CNTN1: variants seen among roughly 807,000 people sequenced by gnomAD.
CNTN1 encodes the protein contactin 1.
CNTN1 carries 38 observed loss-of-function variants against 126.4 expected under a neutral mutation model. The ratio of observed to expected loss-of-function variants is 0.30; its 90% CI spans 0.23 to 0.39. The LOEUF is 0.39. Among genes scored for constraint, CNTN1 ranks in the 10% least tolerant of loss-of-function variants. The pLI, the probability that CNTN1 is intolerant of heterozygous loss-of-function variation, is 1.00. For missense variants in CNTN1, 1,009 were observed against 1,248.4 expected (o/e 0.81, Z 2.89); for synonymous variants, 413 against 422.6 (o/e 0.98, Z 0.28).
intron 1 of CNTN1, among the ~76,000 whole-genome samples, chr12:40,808,219 A>G (rs1940931142): frequency 6.6e-6 from 1 of 152,196 alleles, no homozygotes; most frequent in East Asian, 1.9e-4. Flanking sequence ...ATTTAAAAAC[A>G]CTATGTTTTG....
chr12:40,747,777 CA>C (rs541376650), intron 1 of CNTN1, among the ~76,000 whole-genome samples: 14 of 150,820 alleles, frequency 9.3e-5, no homozygotes, highest in Non-Finnish European at 1.5e-4. Flanking sequence ...GATTTGATGC[CA>C]AAAAAAAGTG....
At chr12:40,955,000 C>A (rs757601092) in intron 14 of CNTN1, among the ~76,000 whole-genome samples, 5 of 151,990 alleles carry the variant, frequency 3.3e-5, no homozygotes, top group Non-Finnish European at 7.4e-5. Context: ...TTGACTGATA[C>A]CACATGAATC....
intron 16 of CNTN1, among the ~76,000 whole-genome samples, chr12:40,983,820 ATTTTG>A (rs1939062921): frequency 2.0e-5 from 3 of 146,906 alleles, no homozygotes; most frequent in Admixed American, 6.9e-5. Context: ...GTATATTAAT[ATTTTG>A]TTATATATGC....
At chr12:40,944,320 A>G (rs1379688312) in intron 14 of CNTN1, 150 bp downstream of exon 14, 1 of 699,724 alleles carries the variant, frequency 1.4e-6, no homozygotes, top group Non-Finnish European at 2.4e-6. Flanking sequence ...TTCTCCTTAT[A>G]TTAACTGTTG....
intron 15 of CNTN1, among the ~76,000 whole-genome samples, chr12:40,963,783 C>T (rs940609869): frequency 6.6e-6 from 1 of 151,934 alleles, no homozygotes; most frequent in African/African-American, 2.4e-5. Flanking sequence ...TTTCGGGTTG[C>T]CTCGTCAAAG....
chr12:40,804,217 T>G (rs1055491019), intron 1 of CNTN1, among the ~76,000 whole-genome samples: 8 of 152,034 alleles, frequency 5.3e-5, no homozygotes, highest in African/African-American at 1.9e-4. Context: ...GAAATTTCCA[T>G]CTATTCCTTT....
intron 23 of CNTN1, among the ~76,000 whole-genome samples, chr12:41,032,214 AG>A (rs1302163308): frequency 1.3e-5 from 2 of 152,034 alleles, no homozygotes; most frequent in East Asian, 1.9e-4. Flanking sequence ...TGCAATAGAC[AG>A]GGGGGTTTTT....
In CNTN1 at chr12:41,014,228, C is replaced by T; in HGVS notation, c.2114C>T (p.Ala705Val). ...GCATATATTTGTTTGTTTGTTTCAG[C>T]ACCAAATGTGGCTCCTTCAGATGTA... ...PSNRIKTDGA[A>V]PNVAPSDVGG... Residue 705 changes from alanine (A) to valine (V), a missense_variant and splice_region_variant, in exon 18 of 24, where the codon GCA (alanine) becomes GTA (valine). By Grantham distance (64) the Ala-to-Val change is moderately conservative (BLOSUM62 0). Transcript: ENST00000551295. 1 of 1,613,788 alleles carries T rather than the reference C, an allele frequency of 6.2e-7. No homozygotes were observed. The highest frequency in any genetic ancestry group is 8.5e-7 in the Non-Finnish European group (1 of 1,179,768).
chr12:40,744,304 T>TA (rs11392752), intron 1 of CNTN1, among the ~76,000 whole-genome samples: 121,782 of 145,810 alleles, frequency 0.84, 50,181 homozygotes, highest in East Asian at 0.96. Flanking sequence ...TTAAATTAAA[T>TA]AAAAAAAAAA....
At chr12:40,701,941 A>G (rs1941605859) in intron 1 of CNTN1, among the ~76,000 whole-genome samples, 1 of 152,224 alleles carries the variant, frequency 6.6e-6, no homozygotes, top group African/African-American at 2.4e-5. Flanking sequence ...AGAAGAAAGA[A>G]TCTTGTCAGC....
In CNTN1 at chr12:40,991,720, C is replaced by T. The variant is rs533191175; in HGVS notation, c.1964-1400C>T. The stretch of plus-strand genomic sequence containing the variant: ...GCATAAGCCTGTAGTCCCAGCTACT[C>T]GGGAGGCTGAGGCAGGAGAATGGCG... On this transcript the variant is annotated intron_variant, in intron 16 of 23. Coordinates refer to ENST00000551295, the MANE Select transcript of CNTN1 (RefSeq NM_001843.4). Among the ~76,000 whole-genome samples, 299 of 152,192 alleles carry T rather than the reference C, an allele frequency of 2.0e-3. 2 individuals carry two copies. The Middle Eastern group carries it at 0.031, about 16-fold the overall frequency.
chr12:41,027,934 G>T lies in CNTN1; in HGVS notation c.2788G>T (p.Ala930Ser), dbSNP rs756665946. ...TATAATCACCTGGGATCATGTCGTT[G>T]CACTATCAAATGAATCTACAGTGAC... The part of the protein sequence containing the change: ...RYIITWDHVV[A>S]LSNESTVTGY... Residue 930 changes from alanine to serine, a missense_variant, in exon 22 of 24, where the codon GCA (alanine) becomes TCA (serine). Physicochemically the swap from Ala to Ser is moderately conservative, Grantham distance 99. Transcript: ENST00000551295. The T allele has an allele frequency of 7.4e-6, 12 of 1,612,188 alleles. No homozygotes were observed. The Admixed American group carries it at 1.7e-4, about 22-fold the overall frequency.
chr12:40,840,373 G>A (rs35840550), intron 1 of CNTN1, among the ~76,000 whole-genome samples: 23,696 of 151,832 alleles, frequency 0.16, 1,851 homozygotes, highest in Middle Eastern at 0.21. Flanking sequence ...TAAAGAGAGA[G>A]AGGCTATAAA....
intron 1 of CNTN1, among the ~76,000 whole-genome samples, chr12:40,831,416 T>C (rs759430985): frequency 1.1e-4 from 16 of 151,806 alleles, no homozygotes; most frequent in Non-Finnish European, 2.1e-4. Flanking sequence ...TCCTGATGAG[T>C]TGCAAGCTTT....
At chr12:40,817,475 CTTTTTTTTTT>C (rs758574869) in intron 1 of CNTN1, among the ~76,000 whole-genome samples, 2 of 40,730 alleles carry the variant, frequency 4.9e-5, no homozygotes, top group Admixed American at 3.2e-4. Flanking sequence ...GCAACCCCTG[CTTTTTTTTTT>C]TTTTTTTTTT....
At chr12:40,708,156 G>A (rs1565627969) in intron 1 of CNTN1, among the ~76,000 whole-genome samples, 1 of 152,090 alleles carries the variant, frequency 6.6e-6, no homozygotes, top group South Asian at 2.1e-4. Context: ...AGTCAAAATT[G>A]TACCACTAAG....
At chr12:40,919,310 T>C (rs778981557) in intron 4 of CNTN1, among the ~76,000 whole-genome samples, 2 of 152,202 alleles carry the variant, frequency 1.3e-5, no homozygotes, top group Non-Finnish European at 2.9e-5. Context: ...ACATACCTCT[T>C]ACTATTTTTC....
chr12:40,874,062 A>G (rs1943591501), intron 1 of CNTN1, among the ~76,000 whole-genome samples: 1 of 152,094 alleles, frequency 6.6e-6, no homozygotes, highest in Non-Finnish European at 1.5e-5. Context: ...AATGCCTACC[A>G]TGTTCTAGGC....
intron 23 of CNTN1, among the ~76,000 whole-genome samples, chr12:41,059,205 A>G (rs1949889434): frequency 6.6e-6 from 1 of 152,196 alleles, no homozygotes; most frequent in Non-Finnish European, 1.5e-5. Context: ...CCAAATACCG[A>G]TCTTAATACC....
Sources: gnomAD v4.1 joint callset for allele counts (sites outside exome capture counted in the v4.1 genomes callset) on GRCh38, gnomAD v4.1.1 for gene constraint, MANE v1.5 for transcripts, NCBI Gene and HGNC (gene_info 2026-07-23, HGNC 2026-07-21) for gene names.